CCDC136: variants seen among roughly 807,000 people sequenced by gnomAD.
The protein encoded by CCDC136 is coiled-coil domain-containing protein 136.
A neutral mutation model predicts 141.2 loss-of-function variants in CCDC136; 100 were observed. The ratio of observed to expected loss-of-function variants is 0.71; its 90% CI spans 0.60 to 0.84. The LOEUF (loss-of-function observed/expected upper bound fraction) is 0.84, where lower values mean the gene tolerates loss of function less well. CCDC136 is among the 40% of genes least tolerant of loss of function. The pLI, the probability that CCDC136 is intolerant of heterozygous loss-of-function variation, is 0.00. For missense variants in CCDC136, 1,206 were observed against 1,379.4 expected (o/e 0.87, Z 1.99); for synonymous variants, 474 against 531.9 (o/e 0.89, Z 1.50).
rs558969381 is a variant in CCDC136 at position 128,816,928 on chromosome 7, C to T, written c.3364-830C>T. On this transcript the variant is annotated intron_variant, in intron 16 of 17. Transcript: ENST00000297788. ...GATCCAGTGTGCAGTGCTCTGCTTA[C>T]CTTGTGCCAGGGGACCATTACCTAA... Among the ~76,000 whole-genome samples the T allele has an allele frequency of 3.5e-4, 53 of 152,298 alleles. 1 individual carries two copies. In the South Asian group the frequency reaches 6.8e-3, roughly 20 times the overall value.
rs751080102 is a variant in CCDC136, at chr7:128,805,905, AAC to A, written c.1089+7_1089+8del. On this transcript the variant is annotated splice_donor_5th_base_variant and intron_variant, in intron 7 of 17. Transcript: ENST00000297788. The surrounding 1 kb of genome is among the most constrained non-coding windows in gnomAD (Gnocchi z 4.6). The stretch of plus-strand genomic sequence containing the variant: ...GACCTCCCACAGTGTCACCCAGGTA[AAC>A]ACTGCCCGGGGAGGCATCTGGGGTG... 27 of 1,613,672 alleles carry A rather than the reference AAC, an allele frequency of 1.7e-5. No individual in the cohort carries two copies. The highest frequency in any genetic ancestry group is 2.0e-5 in the Non-Finnish European group (24 of 1,179,858).
chr7:128,813,701 C>G (rs1806124679), intron 14 of CCDC136, among the ~76,000 whole-genome samples: 1 of 152,154 alleles, frequency 6.6e-6, no homozygotes. Context: ...GAATTCTAGG[C>G]CAGGTGCGGT....
In CCDC136 at chr7:128,815,836, A is replaced by G. The variant is rs1347660298; in HGVS notation, c.3268A>G (p.Lys1090Glu). The G allele has an allele frequency of 1.2e-6, 2 of 1,612,828 alleles. No homozygotes were observed. Among genetic ancestry groups the G allele is most frequent in the South Asian group, 2.2e-5 (2 of 90,622 alleles). The change falls in exon 16 of 18, where the codon AAG becomes GAG. Residue 1090 changes from lysine to glutamate, a missense_variant. Coordinates refer to ENST00000297788, the MANE Select transcript of CCDC136 (RefSeq NM_022742.5). ...TGAAGAGGACAAAGAGGAAGAGGAG[A>G]AGGAAGAAGACAGTGAAGAGGAGGA... ...ENEEDKEEEE[K>E]EEDSEEEEDD...
At chr7:128,809,390 C>A (rs928950705) in intron 10 of CCDC136, 60 bp from the exon 11 acceptor site, 9 of 1,185,122 alleles carry the variant, frequency 7.6e-6, no homozygotes, top group Admixed American at 4.1e-5. Context: ...GCTCTGTTAG[C>A]CACCCAAGAA....
chr7:128,793,754 C>T (rs554321976), intron 1 of CCDC136, among the ~76,000 whole-genome samples: 2 of 152,222 alleles, frequency 1.3e-5, no homozygotes, highest in Admixed American at 6.5e-5. Context: ...GGATTACAGG[C>T]GTGTACTACC....
intron 3 of CCDC136, among the ~76,000 whole-genome samples, chr7:128,795,904 A>C (rs993875690): frequency 4.6e-5 from 7 of 152,214 alleles, no homozygotes; most frequent in African/African-American, 1.2e-4. Flanking sequence ...AATAAACAAC[A>C]CAAGTTCAGA....
chr7:128,796,898 C>T (rs1199473417), intron 3 of CCDC136, among the ~76,000 whole-genome samples: 4 of 149,582 alleles, frequency 2.7e-5, no homozygotes, highest in South Asian at 2.1e-4. Context: ...CCCGCCACTA[C>T]GCCCGGCTAA....
upstream of CCDC136, chr7:128,791,474 A>AGGCGGC: frequency 7.6e-7 from 1 of 1,320,156 alleles, no homozygotes; most frequent in Non-Finnish European, 9.6e-7. This position sits in a 1 kb window ranked among gnomAD's most constrained non-coding sequence, Gnocchi z 7.1. Flanking sequence ...GGGAGGCGGA[A>AGGCGGC]GGCGGCGGCG....
intron 1 of CCDC136, 96 bp downstream of exon 1, chr7:128,792,523 C>A: frequency 1.1e-6 from 1 of 883,894 alleles, no homozygotes; most frequent in Non-Finnish European, 1.7e-6. Flanking sequence ...AGCCAGGACA[C>A]AGCCCTTCCC....
At position 128,812,941 on chromosome 7, in the gene CCDC136, CAGGG is replaced by C. The variant is rs1806009529; in HGVS notation, c.2763+16_2763+19del. 6.4e-7 allele frequency: 1 copy of C among 1,571,050 alleles called. No homozygotes were observed. Among genetic ancestry groups the C allele is most frequent in the African/African-American group, 1.4e-5 (1 of 73,860 alleles). On this transcript the variant is annotated intron_variant, in intron 14 of 17. Coordinates refer to ENST00000297788, the MANE Select transcript of CCDC136 (RefSeq NM_022742.5). ...ACGACAAGAATGAGGTAACCACTGT[CAGGG>C]AGGCAGGGTTTCCTCTGGCAGCCCC...
At chr7:128,807,211 G>A (rs375902512) in intron 9 of CCDC136, 149 bp from the exon 10 acceptor site, 7 of 444,184 alleles carry the variant, frequency 1.6e-5, no homozygotes, top group South Asian at 2.0e-4. Flanking sequence ...GTCAGGGACG[G>A]GTCCATCTTG....
At position 128,792,185 on chromosome 7, in the gene CCDC136, T is replaced by C; in HGVS notation, c.-227T>C. On this transcript the variant is annotated 5_prime_UTR_variant, in exon 1 of 18. Transcript: ENST00000297788. The stretch of plus-strand genomic sequence containing the variant: ...GAGAGGAGTCGCAGAGCCGCCAGAG[T>C]GAGTCAGGCACCTCCACTGGGATTA... 1 of 1,446,264 alleles carries C rather than the reference T, an allele frequency of 6.9e-7. No individual in the cohort carries two copies. Among genetic ancestry groups the C allele is most frequent in the Non-Finnish European group, 9.0e-7 (1 of 1,106,464 alleles). The allele number at this position is 1,446,264 out of a possible 1,614,324, so 89.6% of individuals were successfully genotyped here.
Position 128,815,768 on chromosome 7 carries a change from C to A in CCDC136, c.3200C>A (p.Ala1067Glu). The A allele has an allele frequency of 6.4e-7, 1 of 1,573,862 alleles. No individual in the cohort carries two copies. The highest frequency in any genetic ancestry group is 8.6e-7 in the Non-Finnish European group (1 of 1,160,168). The part of the protein sequence containing the change: ...QCGDELVAEP[A>E]DPEEAKSTED... Reference sequence around the variant, plus strand: ...GGGGATGAGCTAGTTGCTGAGCCAGCAGATCCTGAGGAAGCTAAATCCACA... The same window carrying A: ...GGGGATGAGCTAGTTGCTGAGCCAGAAGATCCTGAGGAAGCTAAATCCACA... Residue 1067 changes from alanine (A) to glutamate (E), a missense_variant, in exon 16 of 18, where the codon GCA becomes GAA. Physicochemically the swap from Ala to Glu is moderately radical, Grantham distance 107. Coordinates refer to ENST00000297788, the MANE Select transcript of CCDC136 (RefSeq NM_022742.5).
At position 128,813,709 on chromosome 7, in the gene CCDC136, G is replaced by A. The variant is rs1193663740; in HGVS notation, c.2763+780G>A. Among the ~76,000 whole-genome samples, 6 of 152,268 alleles carry A rather than the reference G, an allele frequency of 3.9e-5. No individual in the cohort carries two copies. In the East Asian group the frequency reaches 5.8e-4, roughly 15 times the overall value. The stretch of plus-strand genomic sequence containing the variant: ...ATAAAAAGAATTCTAGGCCAGGTGC[G>A]GTGGCTCACCCCTGTAATCTCAGCA... On this transcript the variant is annotated intron_variant, in intron 14 of 17. Transcript: ENST00000297788.
rs1364848465 is a variant in CCDC136 at position 128,794,789 on chromosome 7, T to G, written c.346+21T>G. The G allele has an allele frequency of 1.3e-6, 2 of 1,544,250 alleles. No individual in the cohort carries two copies. The highest frequency in any genetic ancestry group is 4.9e-5 in the East Asian group (2 of 40,894). On this transcript the variant is annotated intron_variant, in intron 3 of 17. Transcript: ENST00000297788. This position sits in a 1 kb window ranked among gnomAD's most constrained non-coding sequence, Gnocchi z 4.3. Reference sequence around the variant, plus strand: ...CCAAGGTAATTCCCAGGACTTGGACTGGAGGGAGGTGGCCATCCAAGTGGT... The same window carrying G: ...CCAAGGTAATTCCCAGGACTTGGACGGGAGGGAGGTGGCCATCCAAGTGGT...
rs1804677176 is a variant in CCDC136, at chr7:128,805,391, C to T, written c.815C>T (p.Ser272Phe). 2 of 1,613,888 alleles carry T rather than the reference C, an allele frequency of 1.2e-6. No homozygotes were observed. The highest frequency in any genetic ancestry group is 4.5e-5 in the East Asian group (2 of 44,886). The change falls in exon 6 of 18, where the codon TCC (serine) becomes TTC (phenylalanine). Residue 272 changes from serine (S) to phenylalanine (F), a missense_variant. Ser to Phe is a radical substitution (Grantham distance 155, BLOSUM62 -2). Transcript: ENST00000297788. The surrounding 1 kb of genome is among the most constrained non-coding windows in gnomAD (Gnocchi z 4.6). ...AGAGCAACAGAGAGATGGCTGCAGT[C>T]CCAAACACTGAGTATGACGTCAGCA... ...TQRATERWLQ[S>F]QTLSMTSAES...
At chr7:128,807,183 G>A (rs1804990092) in intron 9 of CCDC136, among the ~76,000 whole-genome samples, 177 bp from the exon 10 acceptor site, 1 of 152,142 alleles carries the variant, frequency 6.6e-6, no homozygotes. Context: ...GCACTGGGAA[G>A]GTCTGTGTTT....
At chr7:128,799,308 C>T in intron 3 of CCDC136, among the ~76,000 whole-genome samples, 1 of 151,490 alleles carries the variant, frequency 6.6e-6, no homozygotes, top group Non-Finnish European at 1.5e-5. Flanking sequence ...CATGCCACTC[C>T]ACTCCAGCCT....
chr7:128,812,781 A>G lies in CCDC136; in HGVS notation c.2615A>G (p.Glu872Gly). Residue 872 changes from glutamate to glycine, a missense_variant, in exon 14 of 18, where the codon GAG (glutamate) becomes GGG (glycine). Coordinates refer to ENST00000297788, the MANE Select transcript of CCDC136 (RefSeq NM_022742.5). ...CAGGCCATGTACCAGATAAGCCAGG[A>G]GGAACACAGCCAGCTGCAAGAGCAG... The part of the protein sequence containing the change: ...AVQAMYQISQ[E>G]EHSQLQEQME... 1 of 1,613,610 alleles carries G rather than the reference A, an allele frequency of 6.2e-7. No homozygotes were observed. The highest frequency in any genetic ancestry group is 8.5e-7 in the Non-Finnish European group (1 of 1,179,830).
Sources: allele counts gnomAD v4.1 joint callset (sites outside exome capture counted in the v4.1 genomes callset), GRCh38; gene constraint gnomAD v4.1.1; non-coding constraint Gnocchi (gnomAD v3.1); transcripts MANE v1.5; gene names NCBI Gene and HGNC (gene_info 2026-07-23, HGNC 2026-07-21).